Variants in PBLD observed in about 807,000 individuals in gnomAD.
The protein encoded by PBLD is phenazine biosynthesis like protein domain containing.
Under a neutral mutation model 31.3 loss-of-function variants are expected in PBLD, and 26 were observed. That is an observed-to-expected ratio of 0.83 (90% confidence interval 0.61 to 1.15). PBLD has a LOEUF of 1.15. PBLD is among the 50% of genes most tolerant of loss of function. The probability of loss-of-function intolerance (pLI) is 0.00; values close to 1 mark genes in which losing one functional copy is unlikely to be tolerated. For missense variants in PBLD, 307 were observed against 351.7 expected (o/e 0.87, Z 1.02); for synonymous variants, 114 against 129.0 (o/e 0.88, Z 0.79).
intron 1 of PBLD, among the ~76,000 whole-genome samples, chr10:68,310,314 TTTAA>T (rs1326883627): frequency 2.0e-5 from 3 of 148,800 alleles, no homozygotes; most frequent in Non-Finnish European, 3.0e-5. Flanking sequence ...TTATGTTTCT[TTTAA>T]TTGACAGATA....
intron 6 of PBLD, among the ~76,000 whole-genome samples, chr10:68,289,462 G>A (rs1353314259): frequency 1.3e-5 from 2 of 152,038 alleles, no homozygotes; most frequent in Non-Finnish European, 2.9e-5. Context: ...GGTGAACCAA[G>A]AATCACTTGT....
At chr10:68,323,247 G>A (rs1046876685) in intron 1 of PBLD, among the ~76,000 whole-genome samples, 1 of 151,712 alleles carries the variant, frequency 6.6e-6, no homozygotes, top group East Asian at 1.9e-4. Context: ...AGCTCCAGCT[G>A]ACATTTTAAT....
intron 1 of PBLD, among the ~76,000 whole-genome samples, chr10:68,307,174 C>T (rs12777403): frequency 0.041 from 6,232 of 152,000 alleles, 214 homozygotes; most frequent in Non-Finnish European, 0.065. Context: ...GAATTACAGG[C>T]ACCTGCCACC....
At chr10:68,305,915 C>T (rs2044571876) in intron 2 of PBLD, among the ~76,000 whole-genome samples, 1 of 152,108 alleles carries the variant, frequency 6.6e-6, no homozygotes, top group Non-Finnish European at 1.5e-5. Context: ...ACACTTTGCC[C>T]AACTTAATAT....
intron 1 of PBLD, chr10:68,331,880 A>G (rs2045115513): frequency 6.6e-6 from 1 of 152,290 alleles, no homozygotes; most frequent in Non-Finnish European, 1.5e-5. Flanking sequence ...CTTTAACTGG[A>G]ACAGCCTCTG....
chr10:68,330,709 C>CGTGT (rs56166847), intron 1 of PBLD, among the ~76,000 whole-genome samples: 5,072 of 142,782 alleles, frequency 0.036, 135 homozygotes, highest in Non-Finnish European at 0.041. Flanking sequence ...CCACGCCCGG[C>CGTGT]GTGTGTGTGT....
In PBLD at chr10:68,319,114, A is replaced by AAGAG. The variant is rs59508780; in HGVS notation, c.-59-12212_-59-12211insCTCT. Among the ~76,000 whole-genome samples the AAGAG allele has an allele frequency of 6.8e-3, 856 of 126,094 alleles. 34 individuals carry two copies. The highest frequency in any genetic ancestry group is 0.024 in the African/African-American group (820 of 33,548). The allele number at this position is 126,094 out of a possible 152,430, so 82.7% of individuals were successfully genotyped here. Reference sequence around the variant, plus strand: ...AAGAAAGAAAGAAAGAAAGAAAGGAAAAAGAAAGAAAGAGAGAAGGAGAAA... The same window carrying AAGAG: ...AAGAAAGAAAGAAAGAAAGAAAGGAAAGAGAAAGAAAGAAAGAGAGAAGGAGAAA... On this transcript the variant is annotated intron_variant, in intron 1 of 9. Transcript: ENST00000358769.
chr10:68,297,179 G>C, intron 2 of PBLD, 194 bp from the exon 3 acceptor site: 2 of 588,430 alleles, frequency 3.4e-6, no homozygotes. Flanking sequence ...AGTGCCCTGT[G>C]AAGAAGGGTT....
rs966284655 is a variant in PBLD at position 68,329,307 on chromosome 10, G to T, written c.-60+3477C>A. 3.5e-5 allele frequency among the ~76,000 whole-genome samples: 4 copies of T among 112,950 alleles called. No homozygotes were observed. The East Asian group carries it at 1.1e-3, about 30-fold the overall frequency. The allele number at this position is 112,950 out of a possible 152,430, so 74.1% of individuals were successfully genotyped here. On this transcript the variant is annotated intron_variant, in intron 1 of 9. Transcript: ENST00000358769. ...GAGTGCCTGACCCAAAGAAATTATG[G>T]CAAGCAAGCAAGCAAGCAAGCAGCA...
At chr10:68,310,149 A>G (rs1000327056) in intron 1 of PBLD, among the ~76,000 whole-genome samples, 5 of 150,138 alleles carry the variant, frequency 3.3e-5, no homozygotes, top group Non-Finnish European at 5.9e-5. Flanking sequence ...AAGAAAAAAG[A>G]AAATAATAGA....
At chr10:68,317,599 G>A (rs6480325) in intron 1 of PBLD, among the ~76,000 whole-genome samples, 11 of 151,532 alleles carry the variant, frequency 7.3e-5, no homozygotes, top group Middle Eastern at 3.4e-3. Flanking sequence ...AGTTTGAGAC[G>A]AGCCTGGGCA....
intron 2 of PBLD, among the ~76,000 whole-genome samples, chr10:68,300,429 G>A (rs2044490434): frequency 6.6e-6 from 1 of 152,166 alleles, no homozygotes; most frequent in Admixed American, 6.5e-5. Flanking sequence ...ACCCCTGCAA[G>A]GTTTCTAAGA....
intron 2 of PBLD, chr10:68,297,202 G>A (rs1337642691): frequency 7.2e-6 from 4 of 554,596 alleles, no homozygotes; most frequent in African/African-American, 1.9e-5. Flanking sequence ...AAATGTGCAA[G>A]CTGGAATAGA....
chr10:68,315,186 G>A (rs1196171282), intron 1 of PBLD, among the ~76,000 whole-genome samples: 2 of 152,168 alleles, frequency 1.3e-5, no homozygotes, highest in South Asian at 2.1e-4. Flanking sequence ...CTGTTTAATA[G>A]CACCATGGCT....
rs1170541207 is a variant in PBLD at position 68,306,871 on chromosome 10, T to C, written c.-27A>G. 5 of 1,578,150 alleles carry C rather than the reference T, an allele frequency of 3.2e-6. No homozygotes were observed. The highest frequency in any genetic ancestry group is 4.3e-6 in the Non-Finnish European group (5 of 1,151,126). ...TTCCTTGCAAGCTGTTTTTGCAAGT[T>C]CTCAAAATTGCTGGTAGCCTGCTTT... On this transcript the variant is annotated 5_prime_UTR_variant, in exon 2 of 10. Coordinates refer to ENST00000358769, the MANE Select transcript of PBLD (RefSeq NM_022129.4).
At chr10:68,297,087 G>GGAAAT (rs969383016) in intron 2 of PBLD, 102 bp from the exon 3 acceptor site, 2 of 888,664 alleles carry the variant, frequency 2.3e-6, no homozygotes, top group Admixed American at 4.2e-5. Context: ...GCAATAATAA[G>GGAAAT]AGTTACACGC....
chr10:68,289,383 C>T (rs1210786469), intron 6 of PBLD, among the ~76,000 whole-genome samples: 7 of 151,920 alleles, frequency 4.6e-5, no homozygotes, highest in Non-Finnish European at 7.4e-5. Flanking sequence ...AAAAATTAGT[C>T]GGGCATGGTG....
chr10:68,308,287 T>C (rs1188295447), intron 1 of PBLD, among the ~76,000 whole-genome samples: 1 of 152,190 alleles, frequency 6.6e-6, no homozygotes, highest in Non-Finnish European at 1.5e-5. Context: ...AATATTTAAG[T>C]TGTTTCTAAT....
chr10:68,303,340 C>T (rs562417459), intron 2 of PBLD, among the ~76,000 whole-genome samples: 96 of 151,952 alleles, frequency 6.3e-4, no homozygotes, highest in African/African-American at 2.3e-3. Context: ...CCTGCCTCGG[C>T]CTCCCAAAGT....
Sources: gnomAD v4.1 joint callset for allele counts (sites outside exome capture counted in the v4.1 genomes callset) on GRCh38, gnomAD v4.1.1 for gene constraint, MANE v1.5 for transcripts, NCBI Gene and HGNC (gene_info 2026-07-23, HGNC 2026-07-21) for gene names.